SRL: variants seen among roughly 807,000 people sequenced by gnomAD.
SRL encodes sarcalumenin.
In SRL, 23 loss-of-function variants were observed where a neutral mutation model predicts 39.5. That is an observed-to-expected ratio of 0.58 (90% CI 0.42 to 0.82). The LOEUF is 0.82. SRL is among the 40% of genes least tolerant of loss of function. The pLI, the probability that SRL is intolerant of heterozygous loss-of-function variation, is 0.00. For missense variants in SRL, 592 were observed against 607.8 expected (o/e 0.97, Z 0.27); for synonymous variants, 272 against 237.4 (o/e 1.15, Z -1.34).
At chr16:4,208,125 T>C (rs79997319) in intron 1 of SRL, 7,804 of 425,766 alleles carry the variant, frequency 0.018, 558 homozygotes, top group African/African-American at 0.15. Flanking sequence ...AGAACATGAT[T>C]GGTCAGTTTC....
intron 1 of SRL, among the ~76,000 whole-genome samples, chr16:4,206,125 C>T (rs567124595): frequency 6.6e-6 from 1 of 152,288 alleles, no homozygotes; most frequent in Admixed American, 6.5e-5. Context: ...GCAATTCTCA[C>T]ACTGCCCGAG....
chr16:4,239,118 G>A (rs572024723), intron 1 of SRL, among the ~76,000 whole-genome samples: 115 of 152,320 alleles, frequency 7.5e-4, no homozygotes, highest in African/African-American at 2.7e-3. Context: ...TTTCTCAGCA[G>A]CCCTGCCACA....
chr16:4,199,672 T>A (rs1286566803), intron 3 of SRL, among the ~76,000 whole-genome samples: 2 of 141,652 alleles, frequency 1.4e-5, no homozygotes. Context: ...ACCCAGCCCC[T>A]CCCCATCTTC....
At chr16:4,207,951 T>A (rs1242331352) in intron 1 of SRL, 1 of 456,680 alleles carries the variant, frequency 2.2e-6, no homozygotes, top group Non-Finnish European at 4.4e-6. Context: ...CTCCCTGCCA[T>A]CTGGGTAGTG....
intron 1 of SRL, 95 bp downstream of exon 1, chr16:4,241,912 A>G: frequency 1.5e-6 from 2 of 1,378,616 alleles, no homozygotes; most frequent in South Asian, 2.4e-5. Context: ...GTTTGCCATC[A>G]GCCCCGACCC....
At chr16:4,235,387 C>T (rs1274171226) in intron 1 of SRL, among the ~76,000 whole-genome samples, 1 of 152,178 alleles carries the variant, frequency 6.6e-6, no homozygotes, top group African/African-American at 2.4e-5. Context: ...CATCCCCAGT[C>T]CACAAAGAAG....
chr16:4,203,495 C>T (rs1262381021), intron 2 of SRL, among the ~76,000 whole-genome samples: 1 of 152,198 alleles, frequency 6.6e-6, no homozygotes, highest in Non-Finnish European at 1.5e-5. Flanking sequence ...CCAAAGCTTC[C>T]TGAACTGTTT....
intron 3 of SRL, among the ~76,000 whole-genome samples, chr16:4,199,361 C>T (rs1029010962): frequency 1.5e-5 from 2 of 132,200 alleles, no homozygotes; most frequent in African/African-American, 6.1e-5. Context: ...ACATATTCCC[C>T]ATCTTTTTTT....
At chr16:4,214,863 G>A (rs2052437850) in intron 1 of SRL, among the ~76,000 whole-genome samples, 2 of 151,838 alleles carry the variant, frequency 1.3e-5, no homozygotes, top group South Asian at 4.2e-4. Flanking sequence ...TGCCTCCTGG[G>A]TTCAAGCGAT....
chr16:4,194,151 A>G (rs2052103313), intron 5 of SRL, among the ~76,000 whole-genome samples: 2 of 152,214 alleles, frequency 1.3e-5, no homozygotes, highest in African/African-American at 4.8e-5. Flanking sequence ...GGCCTACTCC[A>G]TAGCCACATG....
At chr16:4,225,534 T>G (rs1000334291) in intron 1 of SRL, among the ~76,000 whole-genome samples, 1 of 152,190 alleles carries the variant, frequency 6.6e-6, no homozygotes, top group African/African-American at 2.4e-5. Context: ...CAGTGAGCCC[T>G]GATTGTACCA....
intron 1 of SRL, among the ~76,000 whole-genome samples, chr16:4,238,767 C>T (rs2052740649): frequency 6.6e-6 from 1 of 151,680 alleles, no homozygotes. Context: ...GGACCACAGG[C>T]ATGCACCCCT....
chr16:4,206,871 G>A (rs1029892265), intron 1 of SRL: 18 of 456,584 alleles, frequency 3.9e-5, no homozygotes, highest in African/African-American at 2.4e-4. Flanking sequence ...GTGACTTGTG[G>A]TTCCTGTGGC....
intron 1 of SRL, among the ~76,000 whole-genome samples, chr16:4,222,022 C>A (rs1227103450): frequency 6.6e-6 from 1 of 152,196 alleles, no homozygotes; most frequent in Non-Finnish European, 1.5e-5. Flanking sequence ...AATAAGGTCA[C>A]ATTCTGAGGT....
chr16:4,189,864 C>T lies in SRL; in HGVS notation c.*2289G>A, dbSNP rs898300333. The T allele has an allele frequency of 6.1e-6, 1 of 164,980 alleles. No homozygotes were observed. The highest frequency in any genetic ancestry group is 2.4e-5 in the African/African-American group (1 of 41,960). 10.2% of individuals were successfully genotyped at this position (164,980 alleles called of 1,614,324 possible). ...CCCCTGACTACACAGAAAAACAGAT[C>T]TGCCAAAGCAGCTCACAGCATGGAG... On this transcript the variant is annotated 3_prime_UTR_variant, in exon 6 of 6. Transcript: ENST00000399609.
chr16:4,232,529 T>C (rs200215049), intron 1 of SRL, among the ~76,000 whole-genome samples: 2 of 151,868 alleles, frequency 1.3e-5, no homozygotes, highest in Non-Finnish European at 1.5e-5. Context: ...TTTTTTTTTT[T>C]CAACAGAGTC....
chr16:4,218,836 G>A (rs1597285893), intron 1 of SRL, among the ~76,000 whole-genome samples: 3 of 152,270 alleles, frequency 2.0e-5, no homozygotes, highest in Non-Finnish European at 4.4e-5. Context: ...TAAGGAGGAA[G>A]GCCAGGCCTC....
At chr16:4,204,296 T>C (rs2052281342) in intron 2 of SRL, among the ~76,000 whole-genome samples, 1 of 148,458 alleles carries the variant, frequency 6.7e-6, no homozygotes, top group Non-Finnish European at 1.5e-5. Context: ...CTTCCTCCTC[T>C]GTGCCCACCT....
At chr16:4,198,019 T>C in intron 3 of SRL, 104 bp from the exon 4 acceptor site, 1 of 800,032 alleles carries the variant, frequency 1.2e-6, no homozygotes, top group Non-Finnish European at 2.2e-6. Flanking sequence ...AACTGAGTTG[T>C]GGAATTCTCC....
Sources: gnomAD v4.1 joint callset for allele counts (sites outside exome capture counted in the v4.1 genomes callset) on GRCh38, gnomAD v4.1.1 for gene constraint, MANE v1.5 for transcripts, NCBI Gene and HGNC (gene_info 2026-07-23, HGNC 2026-07-21) for gene names.